The following GRK5 variants were observed in gnomAD, a reference collection of about 807,000 sequenced individuals.
GRK5 encodes the protein G protein-coupled receptor kinase 5.
In GRK5, 40 loss-of-function variants were observed where a neutral mutation model predicts 78.4. The ratio of observed to expected loss-of-function variants is 0.51; its 90% CI spans 0.40 to 0.66. The LOEUF is 0.66. Ranked by LOEUF, GRK5 falls within the 30% of genes least tolerant of loss-of-function variation. The probability of loss-of-function intolerance (pLI) is 0.00; values close to 1 mark genes in which losing one functional copy is unlikely to be tolerated. For synonymous variants in GRK5, 289 were observed against 296.8 expected, an observed-to-expected ratio of 0.97 and a Z score of 0.27; for missense variants, 598 against 759.9, an observed-to-expected ratio of 0.79 and a Z score of 2.50.
intron 1 of GRK5, among the ~76,000 whole-genome samples, chr10:119,307,766 C>G (rs1400202791): frequency 1.5e-5 from 1 of 67,932 alleles, no homozygotes; most frequent in Non-Finnish European, 4.9e-5. Context: ...CTCTGGTCTC[C>G]TGGTGGCGAG....
Position 119,207,849 on chromosome 10 carries a change from G to A in GRK5, c.-69G>A. The A allele has an allele frequency of 6.9e-7, 1 of 1,445,278 alleles. No homozygotes were observed. The allele number at this position is 1,445,278 out of a possible 1,614,324, so 89.5% of individuals were successfully genotyped here. ...AGCGGCGGCAGCCCGAGCAGCGGCA[G>A]CAGCAGCGGCAGCACCCCAGGCGCT... is the stretch of plus-strand genomic sequence containing the variant. On this transcript the variant is annotated 5_prime_UTR_variant, in exon 1 of 16. Transcript: ENST00000392870.
intron 1 of GRK5, among the ~76,000 whole-genome samples, chr10:119,268,217 G>C (rs893673887): frequency 6.6e-6 from 1 of 152,226 alleles, no homozygotes. Context: ...AAAATGGAAT[G>C]AACAAAGTCA....
intron 1 of GRK5, among the ~76,000 whole-genome samples, chr10:119,239,921 A>C (rs1157269130): frequency 1.3e-5 from 2 of 152,068 alleles, no homozygotes; most frequent in Non-Finnish European, 2.9e-5. Flanking sequence ...TCTGTCATTG[A>C]TGGGCATTTG....
chr10:119,310,895 A>G (rs1471537070), intron 1 of GRK5, among the ~76,000 whole-genome samples: 1 of 152,198 alleles, frequency 6.6e-6, no homozygotes, highest in Admixed American at 6.5e-5. Context: ...GCTTGTGGAC[A>G]GAAGAGTCAG....
chr10:119,406,581 C>G, intron 4 of GRK5: 1 of 553,056 alleles, frequency 1.8e-6, no homozygotes, highest in Non-Finnish European at 2.3e-6. Flanking sequence ...TTCCCAGTCC[C>G]CGGAACAGGT....
In GRK5 at chr10:119,455,496, T is replaced by G. The variant is rs1727978986; in HGVS notation, c.*429T>G. ...GTGTATATTTTCTGTGCAGCCACTG[T>G]TAAGCCATGTGTTCCAAGGCATTTT... On this transcript the variant is annotated 3_prime_UTR_variant, in exon 16 of 16. Coordinates refer to ENST00000392870, the MANE Select transcript of GRK5 (RefSeq NM_005308.3). 1.8e-5 allele frequency: 6 copies of G among 338,442 alleles called. No homozygotes were observed. Among genetic ancestry groups the G allele is most frequent in the South Asian group, 1.4e-4 (6 of 41,604 alleles). 21.0% of individuals were successfully genotyped at this position (338,442 alleles called of 1,614,324 possible).
chr10:119,222,776 GGCTACGGGCTCCGT>G (rs1246413442), intron 1 of GRK5, among the ~76,000 whole-genome samples: 1 of 152,256 alleles, frequency 6.6e-6, no homozygotes, highest in African/African-American at 2.4e-5. Flanking sequence ...TGCGTGCTGA[GGCTACGGGCTCCGT>G]GTCCTGTCAG....
intron 1 of GRK5, among the ~76,000 whole-genome samples, chr10:119,275,553 C>T (rs796330386): frequency 1.1e-4 from 17 of 150,384 alleles, no homozygotes; most frequent in African/African-American, 2.9e-4. Flanking sequence ...GGGGTCCAGT[C>T]TGAATTCTCT....
intron 1 of GRK5, among the ~76,000 whole-genome samples, chr10:119,284,957 G>A (rs557073261): frequency 6.6e-6 from 1 of 152,346 alleles, no homozygotes; most frequent in South Asian, 2.1e-4. Context: ...GTCTGCGTGG[G>A]GATCTGGCTC....
chr10:119,269,062 C>G (rs1236696847), intron 1 of GRK5, among the ~76,000 whole-genome samples: 2 of 152,240 alleles, frequency 1.3e-5, no homozygotes, highest in Admixed American at 6.5e-5. Flanking sequence ...ATTTGGGGGC[C>G]TCTGCCACTG....
chr10:119,346,378 G>A (rs1455616095), intron 2 of GRK5, among the ~76,000 whole-genome samples: 1 of 152,246 alleles, frequency 6.6e-6, no homozygotes, highest in East Asian at 1.9e-4. Context: ...AGTCTACAGG[G>A]TTTCGGCATT....
intron 4 of GRK5, among the ~76,000 whole-genome samples, chr10:119,402,092 A>G (rs1175827594): frequency 6.6e-6 from 1 of 152,220 alleles, no homozygotes; most frequent in African/African-American, 2.4e-5. Flanking sequence ...TGCTTGACCC[A>G]GAAGCAACAC....
chr10:119,294,499 C>G (rs1850044341), intron 1 of GRK5, among the ~76,000 whole-genome samples: 1 of 152,182 alleles, frequency 6.6e-6, no homozygotes, highest in African/African-American at 2.4e-5. Context: ...CTGGGCTTTT[C>G]TCTCCAAATG....
chr10:119,371,666 C>T (rs977607101), intron 2 of GRK5, among the ~76,000 whole-genome samples: 5 of 152,328 alleles, frequency 3.3e-5, no homozygotes, highest in African/African-American at 4.8e-5. Flanking sequence ...CCGAAGGGCT[C>T]GGTGACAGTG....
chr10:119,340,203 T>C (rs1850961237), intron 2 of GRK5, among the ~76,000 whole-genome samples: 1 of 152,136 alleles, frequency 6.6e-6, no homozygotes, highest in African/African-American at 2.4e-5. Context: ...TCTCACTCAC[T>C]GCAACCCCCG....
At chr10:119,413,823 G>T (rs1233077119) in intron 4 of GRK5, among the ~76,000 whole-genome samples, 1 of 152,146 alleles carries the variant, frequency 6.6e-6, no homozygotes, top group Non-Finnish European at 1.5e-5. Flanking sequence ...GTGACTGTTA[G>T]GCCGGCCCGT....
At chr10:119,215,176 T>G (rs2133700348) in intron 1 of GRK5, among the ~76,000 whole-genome samples, 1 of 152,318 alleles carries the variant, frequency 6.6e-6, no homozygotes, top group East Asian at 1.9e-4. Flanking sequence ...TATACTTAAA[T>G]TAATTAAAGT....
chr10:119,406,702 G>T (rs947609944), intron 4 of GRK5, among the ~76,000 whole-genome samples: 1 of 152,246 alleles, frequency 6.6e-6, no homozygotes, highest in Non-Finnish European at 1.5e-5. Context: ...CCAGCTTCCT[G>T]TCACAGCCTT....
chr10:119,364,193 C>G (rs1010294420), intron 2 of GRK5, among the ~76,000 whole-genome samples: 10 of 152,176 alleles, frequency 6.6e-5, no homozygotes, highest in Admixed American at 3.9e-4. Context: ...GATCCAACCC[C>G]AGCCCAATGA....
Sources: allele counts gnomAD v4.1 joint callset (sites outside exome capture counted in the v4.1 genomes callset), GRCh38; gene constraint gnomAD v4.1.1; transcripts MANE v1.5; gene names NCBI Gene and HGNC (gene_info 2026-07-23, HGNC 2026-07-21).